The following TENM4 variants were observed in gnomAD, a reference collection of about 807,000 sequenced individuals.
The protein encoded by TENM4 is teneurin transmembrane protein 4.
A neutral mutation model predicts 243.3 loss-of-function variants in TENM4; 82 were observed. The ratio of observed to expected loss-of-function variants is 0.34; its 90% CI spans 0.28 to 0.40. The LOEUF is 0.40. TENM4 is among the 10% of genes least tolerant of loss of function. The probability of loss-of-function intolerance (pLI) is 1.00; values close to 1 mark genes in which losing one functional copy is unlikely to be tolerated. For missense variants in TENM4, 3,138 were observed against 3,673.3 expected, an observed-to-expected ratio of 0.85 and a Z score of 3.77; for synonymous variants, 1,412 against 1,456.3, an observed-to-expected ratio of 0.97 and a Z score of 0.69.
At chr11:79,199,971 C>T (rs1292194244) in intron 3 of TENM4, among the ~76,000 whole-genome samples, 2 of 152,188 alleles carry the variant, frequency 1.3e-5, no homozygotes, top group African/African-American at 4.8e-5. Flanking sequence ...GTGGCCTCAC[C>T]ATACCAACCA....
chr11:79,046,194 C>A (rs1352594876), intron 6 of TENM4, among the ~76,000 whole-genome samples: 1 of 152,200 alleles, frequency 6.6e-6, no homozygotes, highest in Non-Finnish European at 1.5e-5. Context: ...CCTGGCCCAG[C>A]CTGGTCAGCT....
chr11:78,654,024 G>A lies in TENM4; in HGVS notation c.*4034C>T, dbSNP rs1857832179. ...AGGTTAAATGAAAGGGCCTTGAACT[G>A]CAGAGTTCTTTTTTAATTCCCTTTC... On this transcript the variant is annotated 3_prime_UTR_variant, in exon 34 of 34. Transcript: ENST00000278550. 6.6e-6 allele frequency: 1 copy of A among 152,240 alleles called. No individual in the cohort carries two copies. The highest frequency in any genetic ancestry group is 2.4e-5 in the African/African-American group (1 of 41,462). 9.4% of individuals were successfully genotyped at this position (152,240 alleles called of 1,614,324 possible). A position where few individuals can be genotyped will look rare whatever the true frequency, so the allele number is the denominator to read the frequency against.
chr11:79,166,915 T>G (rs990450227), intron 3 of TENM4, among the ~76,000 whole-genome samples: 3 of 152,154 alleles, frequency 2.0e-5, no homozygotes. Flanking sequence ...CAGAAGAATT[T>G]CCATGGAGTT....
At chr11:79,290,528 T>C (rs568109379) in intron 2 of TENM4, among the ~76,000 whole-genome samples, 1 of 152,078 alleles carries the variant, frequency 6.6e-6, no homozygotes, top group East Asian at 1.9e-4. Context: ...GTGTGTGATT[T>C]CTAGAAAACA....
At chr11:79,127,783 G>A (rs557913928) in intron 4 of TENM4, among the ~76,000 whole-genome samples, 2 of 152,294 alleles carry the variant, frequency 1.3e-5, no homozygotes, top group Non-Finnish European at 2.9e-5. Context: ...GCCAGAGAAT[G>A]GGAAATAAAT....
intron 1 of TENM4, among the ~76,000 whole-genome samples, chr11:79,322,123 T>G (rs1205698719): frequency 1.3e-5 from 2 of 152,150 alleles, no homozygotes; most frequent in East Asian, 3.9e-4. Flanking sequence ...TTACTCCATA[T>G]CCCTATGTCT....
intron 32 of TENM4, among the ~76,000 whole-genome samples, chr11:78,663,595 G>A (rs1335590639): frequency 2.0e-5 from 3 of 152,124 alleles, no homozygotes; most frequent in African/African-American, 4.8e-5. Flanking sequence ...CTTCCGCTAC[G>A]AGTAAAAGCT....
At chr11:78,905,593 T>A (rs1420237936) in intron 6 of TENM4, among the ~76,000 whole-genome samples, 1 of 152,194 alleles carries the variant, frequency 6.6e-6, no homozygotes, top group Non-Finnish European at 1.5e-5. Context: ...CAGCCACATT[T>A]TTCCTCCGAG....
chr11:79,163,882 ATATAT>A (rs1048243738), intron 3 of TENM4, among the ~76,000 whole-genome samples: 4 of 144,522 alleles, frequency 2.8e-5, no homozygotes, highest in South Asian at 2.1e-4. Context: ...ATATATGTAC[ATATAT>A]TATATATGGA....
chr11:79,386,844 A>C (rs942586648), intron 1 of TENM4, among the ~76,000 whole-genome samples: 4 of 152,044 alleles, frequency 2.6e-5, no homozygotes, highest in Non-Finnish European at 5.9e-5. Context: ...ATTTGCTACA[A>C]TCACTTTGGA....
intron 6 of TENM4, among the ~76,000 whole-genome samples, chr11:78,959,343 A>AT (rs796367690): frequency 1.4e-4 from 22 of 152,114 alleles, no homozygotes; most frequent in African/African-American, 5.1e-4. Context: ...ATAATTTCAC[A>AT]TTTTTTCCAT....
At chr11:78,695,450 G>A (rs908834129) in intron 28 of TENM4, among the ~76,000 whole-genome samples, 7 of 152,090 alleles carry the variant, frequency 4.6e-5, no homozygotes, top group Non-Finnish European at 1.0e-4. Context: ...TGCAACCTCC[G>A]CCTCCTGGAT....
intron 4 of TENM4, among the ~76,000 whole-genome samples, chr11:79,079,590 G>T (rs1234371879): frequency 6.6e-6 from 1 of 152,148 alleles, no homozygotes; most frequent in African/African-American, 2.4e-5. Flanking sequence ...AGCACTTTGG[G>T]AGGCCAAGGA....
intron 1 of TENM4, among the ~76,000 whole-genome samples, chr11:79,379,256 G>A (rs1023576608): frequency 6.6e-6 from 1 of 152,170 alleles, no homozygotes; most frequent in Non-Finnish European, 1.5e-5. Context: ...ACAGCACAAG[G>A]AAAGTCAAAG....
intron 6 of TENM4, among the ~76,000 whole-genome samples, chr11:79,024,283 G>T (rs1859016417): frequency 1.3e-5 from 2 of 152,168 alleles, no homozygotes; most frequent in Admixed American, 1.3e-4. Flanking sequence ...TTGGCCTGTG[G>T]TCTGTCTCAG....
At chr11:78,981,992 A>C (rs1235844486) in intron 6 of TENM4, among the ~76,000 whole-genome samples, 2 of 152,102 alleles carry the variant, frequency 1.3e-5, no homozygotes, top group African/African-American at 2.4e-5. Context: ...AGGACTTGCC[A>C]CAGGGTAGCC....
At chr11:78,730,047 A>T (rs1220148405) in intron 21 of TENM4, among the ~76,000 whole-genome samples, 1 of 152,206 alleles carries the variant, frequency 6.6e-6, no homozygotes, top group Admixed American at 6.5e-5. Flanking sequence ...CATATAAAAT[A>T]CTTAGATCAC....
At chr11:79,164,160 A>G (rs1270259497) in intron 3 of TENM4, among the ~76,000 whole-genome samples, 1 of 122,710 alleles carries the variant, frequency 8.1e-6, no homozygotes, top group African/African-American at 3.2e-5. Context: ...CAGTATATAT[A>G]GTGTATATAT....
chr11:78,973,760 TTAAATATAA>T (rs1206474500), intron 6 of TENM4, among the ~76,000 whole-genome samples: 13 of 151,424 alleles, frequency 8.6e-5, no homozygotes, highest in African/African-American at 2.7e-4. Flanking sequence ...GTTTTTGCCA[TTAAATATAA>T]TGGCAAAAAC....
Sources: gnomAD v4.1 joint callset for allele counts (sites outside exome capture counted in the v4.1 genomes callset) on GRCh38, gnomAD v4.1.1 for gene constraint, MANE v1.5 for transcripts, NCBI Gene and HGNC (gene_info 2026-07-23, HGNC 2026-07-21) for gene names.